GABRB1: variants seen among roughly 807,000 people sequenced by gnomAD.
GABRB1 encodes gamma-aminobutyric acid type A receptor subunit beta1.
Under a neutral mutation model 51.6 loss-of-function variants are expected in GABRB1, and 17 were observed. That is an observed-to-expected ratio of 0.33 (90% CI 0.23 to 0.49). The LOEUF is 0.49. GABRB1 is among the 20% of genes least tolerant of loss of function. GABRB1 has a pLI of 0.99. For synonymous variants in GABRB1, 247 were observed against 218.9 expected, an observed-to-expected ratio of 1.13 and a Z score of -1.14; for missense variants, 410 against 600.6, an observed-to-expected ratio of 0.68 and a Z score of 3.32.
At chr4:47,316,759 T>A (rs1724909067) in intron 4 of GABRB1, among the ~76,000 whole-genome samples, 1 of 151,950 alleles carries the variant, frequency 6.6e-6, no homozygotes, top group South Asian at 2.1e-4. Flanking sequence ...GCTGTTGTTG[T>A]TCCTGTTTTC....
intron 3 of GABRB1, among the ~76,000 whole-genome samples, chr4:47,086,892 C>T (rs187645527): frequency 1.3e-5 from 2 of 152,314 alleles, no homozygotes; most frequent in Non-Finnish European, 2.9e-5. Context: ...GGAGTGGTCA[C>T]ACTCATTCTC....
chr4:47,060,362 C>A (rs1726794922), intron 3 of GABRB1, among the ~76,000 whole-genome samples: 1 of 152,076 alleles, frequency 6.6e-6, no homozygotes. Flanking sequence ...GTGTCATATG[C>A]AAGTGGGATA....
chr4:47,357,788 T>G (rs1156734558), intron 5 of GABRB1, among the ~76,000 whole-genome samples: 1 of 152,184 alleles, frequency 6.6e-6, no homozygotes, highest in African/African-American at 2.4e-5. Context: ...CTTTGTGGCC[T>G]CAGAGCCTGG....
chr4:47,115,017 T>A (rs1405749726), intron 3 of GABRB1, among the ~76,000 whole-genome samples: 1 of 152,176 alleles, frequency 6.6e-6, no homozygotes, highest in East Asian at 1.9e-4. Flanking sequence ...TATGAGTGAA[T>A]CCAAGATTAT....
intron 4 of GABRB1, among the ~76,000 whole-genome samples, chr4:47,190,813 G>C (rs557606755): frequency 1.3e-5 from 2 of 152,184 alleles, no homozygotes; most frequent in African/African-American, 4.8e-5. Context: ...GAGATCGTAG[G>C]GAGCACAGTT....
chr4:47,325,708 T>C (rs933255262), intron 5 of GABRB1, among the ~76,000 whole-genome samples: 1 of 152,196 alleles, frequency 6.6e-6, no homozygotes, highest in Non-Finnish European at 1.5e-5. Context: ...TCTTTTGGCT[T>C]CCTCTTCTCA....
chr4:47,384,248 T>G (rs1264167810), intron 5 of GABRB1, among the ~76,000 whole-genome samples: 2 of 152,078 alleles, frequency 1.3e-5, no homozygotes, highest in African/African-American at 2.4e-5. Flanking sequence ...ACATACATTT[T>G]TATTATATTT....
At chr4:47,072,545 TC>T (rs779849874) in intron 3 of GABRB1, among the ~76,000 whole-genome samples, 2 of 152,186 alleles carry the variant, frequency 1.3e-5, no homozygotes, top group Non-Finnish European at 2.9e-5. Flanking sequence ...GCTATTTTTT[TC>T]CTATAATATT....
chr4:47,391,459 C>A (rs948123195), intron 5 of GABRB1, among the ~76,000 whole-genome samples: 1 of 152,094 alleles, frequency 6.6e-6, no homozygotes, highest in African/African-American at 2.4e-5. Flanking sequence ...TTTGACTCAC[C>A]CTTCTCCCCA....
chr4:47,195,637 A>G (rs1326254044), intron 4 of GABRB1, among the ~76,000 whole-genome samples: 1 of 152,212 alleles, frequency 6.6e-6, no homozygotes, highest in East Asian at 1.9e-4. Flanking sequence ...ATAGAACTGT[A>G]TGTCCATAAG....
At chr4:47,099,770 T>C (rs574806875) in intron 3 of GABRB1, among the ~76,000 whole-genome samples, 32 of 152,012 alleles carry the variant, frequency 2.1e-4, no homozygotes, top group African/African-American at 7.7e-4. Flanking sequence ...CTTCTGCAAG[T>C]GTATTCAAAA....
intron 3 of GABRB1, among the ~76,000 whole-genome samples, chr4:47,106,739 T>G (rs1344961933): frequency 6.6e-6 from 1 of 152,058 alleles, no homozygotes; most frequent in Non-Finnish European, 1.5e-5. Flanking sequence ...GCCTCCCATC[T>G]CTTTCCGAGG....
chr4:47,091,466 A>T (rs995265424), intron 3 of GABRB1, among the ~76,000 whole-genome samples: 3 of 152,274 alleles, frequency 2.0e-5, no homozygotes, highest in Admixed American at 2.0e-4. Flanking sequence ...CAGCCCATTT[A>T]AAAACGCTCA....
intron 1 of GABRB1, among the ~76,000 whole-genome samples, chr4:47,018,548 A>C (rs1184004426): frequency 6.6e-6 from 1 of 152,132 alleles, no homozygotes; most frequent in African/African-American, 2.4e-5. Flanking sequence ...TTGAAAATCC[A>C]TGTGTAATTT....
chr4:47,240,512 A>C (rs1045493941), intron 4 of GABRB1, among the ~76,000 whole-genome samples: 6 of 152,216 alleles, frequency 3.9e-5, no homozygotes, highest in Admixed American at 3.3e-4. Flanking sequence ...GGAGGTCTAT[A>C]CCAAGTGAGA....
At chr4:47,014,000 C>A (rs1025969666) in intron 1 of GABRB1, among the ~76,000 whole-genome samples, 1 of 152,014 alleles carries the variant, frequency 6.6e-6, no homozygotes, top group Non-Finnish European at 1.5e-5. Flanking sequence ...AAAATTTTGT[C>A]CCATTTATTT....
chr4:47,273,290 A>G, intron 4 of GABRB1, among the ~76,000 whole-genome samples: 1 of 152,222 alleles, frequency 6.6e-6, no homozygotes, highest in Non-Finnish European at 1.5e-5. Context: ...TCACATTTCA[A>G]TGCACATGCT....
At chr4:47,071,798 C>G (rs1045334225) in intron 3 of GABRB1, among the ~76,000 whole-genome samples, 1 of 151,982 alleles carries the variant, frequency 6.6e-6, no homozygotes, top group African/African-American at 2.4e-5. Flanking sequence ...TAAATGAACT[C>G]TTTTCCATTG....
chr4:47,207,312 A>G (rs1169439846), intron 4 of GABRB1, among the ~76,000 whole-genome samples: 1 of 151,988 alleles, frequency 6.6e-6, no homozygotes, highest in East Asian at 1.9e-4. Flanking sequence ...TTGTTTACCT[A>G]CTAGTATGTG....
Sources: allele counts gnomAD v4.1 joint callset (sites outside exome capture counted in the v4.1 genomes callset), GRCh38; gene constraint gnomAD v4.1.1; transcripts MANE v1.5; gene names NCBI Gene and HGNC (gene_info 2026-07-23, HGNC 2026-07-21).